DLG2: variants seen among roughly 807,000 people sequenced by gnomAD.
DLG2 encodes the protein discs large MAGUK scaffold protein 2.
Under a neutral mutation model 132.5 loss-of-function variants are expected in DLG2, and 45 were observed. The ratio of observed to expected loss-of-function variants is 0.34; its 90% confidence interval spans 0.27 to 0.44. The LOEUF (loss-of-function observed/expected upper bound fraction) is 0.44, where lower values mean the gene tolerates loss of function less well. Ranked by LOEUF, DLG2 falls within the 20% of genes least tolerant of loss-of-function variation. The pLI, the probability that DLG2 is intolerant of heterozygous loss-of-function variation, is 1.00. For synonymous variants in DLG2, 424 were observed against 419.6 expected (o/e 1.01, Z -0.13); for missense variants, 1,045 against 1,196.9 (o/e 0.87, Z 1.87).
intron 6 of DLG2, among the ~76,000 whole-genome samples, chr11:84,900,747 T>C (rs2090782774): frequency 6.6e-6 from 1 of 152,072 alleles, no homozygotes; most frequent in African/African-American, 2.4e-5. Context: ...AAAAATGATC[T>C]TCTGCAACAG....
At chr11:84,767,191 A>T (rs574714481) in intron 6 of DLG2, among the ~76,000 whole-genome samples, 51 of 152,214 alleles carry the variant, frequency 3.4e-4, no homozygotes, top group Admixed American at 9.2e-4. Flanking sequence ...GATGCTCATT[A>T]GATATTAATC....
intron 19 of DLG2, among the ~76,000 whole-genome samples, chr11:83,591,717 T>C (rs1481163255): frequency 3.3e-5 from 5 of 151,780 alleles, no homozygotes; most frequent in African/African-American, 9.7e-5. Flanking sequence ...TGTTTGCAGA[T>C]GACATGATTG....
chr11:84,693,703 G>C (rs1030477996), intron 6 of DLG2, among the ~76,000 whole-genome samples: 1 of 151,738 alleles, frequency 6.6e-6, no homozygotes, highest in East Asian at 1.9e-4. Flanking sequence ...CCACTTCTCT[G>C]TGTTCCTTTC....
intron 18 of DLG2, among the ~76,000 whole-genome samples, chr11:83,636,728 A>G (rs1025770075): frequency 2.6e-5 from 4 of 152,092 alleles, no homozygotes; most frequent in Admixed American, 2.6e-4. Context: ...AATAAATTAT[A>G]TTTGCCTTAC....
chr11:84,641,617 C>A (rs973119858), intron 6 of DLG2, among the ~76,000 whole-genome samples: 2 of 152,128 alleles, frequency 1.3e-5, no homozygotes, highest in African/African-American at 4.8e-5. Context: ...TGCTTCGCTT[C>A]AGTGAGGCAG....
At chr11:84,491,283 TA>T (rs2099164410) in intron 7 of DLG2, among the ~76,000 whole-genome samples, 1 of 151,956 alleles carries the variant, frequency 6.6e-6, no homozygotes, top group Non-Finnish European at 1.5e-5. Flanking sequence ...TGACAGTGAG[TA>T]AGTCTCATAA....
At chr11:84,585,056 G>A (rs1467825434) in intron 6 of DLG2, among the ~76,000 whole-genome samples, 3 of 151,888 alleles carry the variant, frequency 2.0e-5, no homozygotes, top group South Asian at 2.1e-4. Flanking sequence ...TTTAAGATAC[G>A]CTTCCTAATG....
chr11:84,806,796 C>T (rs1050114277), intron 6 of DLG2, among the ~76,000 whole-genome samples: 1 of 152,110 alleles, frequency 6.6e-6, no homozygotes, highest in South Asian at 2.1e-4. Context: ...AGTAGATTTT[C>T]CTTCTTCTCT....
At chr11:84,536,463 C>A (rs561552002) in intron 6 of DLG2, among the ~76,000 whole-genome samples, 1 of 152,168 alleles carries the variant, frequency 6.6e-6, no homozygotes, top group Admixed American at 6.5e-5. Context: ...TAGAACATTT[C>A]TGTGAACTGC....
intron 4 of DLG2, among the ~76,000 whole-genome samples, chr11:85,266,488 T>G (rs1243972911): frequency 2.0e-5 from 3 of 152,036 alleles, no homozygotes; most frequent in Non-Finnish European, 4.4e-5. Flanking sequence ...AGGGATAGCA[T>G]CAGGAGAAGT....
chr11:84,035,872 G>A lies in DLG2; in HGVS notation c.919+23443C>T, dbSNP rs190858323. ...ACTAACAGGATTTGCAAATGAACTG[G>A]ATGTGAGTGTGAGTCAGAAAGAGAA... On this transcript the variant is annotated intron_variant, in intron 11 of 27. Transcript: ENST00000376104. Among the ~76,000 whole-genome samples, 32 of 152,272 alleles carry A rather than the reference G, an allele frequency of 2.1e-4. No individual in the cohort carries two copies. The East Asian group carries it at 4.4e-3, about 21-fold the overall frequency.
chr11:84,571,187 CA>C (rs1366064208), intron 6 of DLG2, among the ~76,000 whole-genome samples: 2 of 152,032 alleles, frequency 1.3e-5, no homozygotes, highest in African/African-American at 2.4e-5. Context: ...TTATTTTGAA[CA>C]GTTGTTTTCT....
intron 6 of DLG2, among the ~76,000 whole-genome samples, chr11:84,735,050 T>C (rs187944725): frequency 2.2e-4 from 34 of 152,264 alleles, no homozygotes; most frequent in African/African-American, 7.7e-4. Context: ...CAGTATTTTA[T>C]TCAGGATTTT....
In DLG2 at chr11:85,204,623, G is replaced by A. The variant is rs373699769; in HGVS notation, c.187-49972C>T. On this transcript the variant is annotated intron_variant, in intron 4 of 27. Transcript: ENST00000376104. Reference sequence around the variant, plus strand: ...ATCCATACTCCCCAAAGCAATCTACGAATTCAATGCAATCCTTTTTAAAAC... The same window carrying A: ...ATCCATACTCCCCAAAGCAATCTACAAATTCAATGCAATCCTTTTTAAAAC... Among the ~76,000 whole-genome samples the A allele has an allele frequency of 1.3e-4, 19 of 151,762 alleles. No individual in the cohort carries two copies. The East Asian group carries it at 1.5e-3, about 12-fold the overall frequency.
At chr11:85,381,126 C>T (rs1480946455) in intron 3 of DLG2, among the ~76,000 whole-genome samples, 1 of 152,202 alleles carries the variant, frequency 6.6e-6, no homozygotes, top group African/African-American at 2.4e-5. Context: ...GTGCTAGCGA[C>T]TGTAGTCTAA....
intron 20 of DLG2, among the ~76,000 whole-genome samples, chr11:83,537,755 C>CAGTG (rs1486237423): frequency 8.0e-6 from 1 of 124,334 alleles, no homozygotes; most frequent in Non-Finnish European, 1.6e-5. Context: ...GTGGAGGTTG[C>CAGTG]AGTGAGTTGG....
intron 7 of DLG2, among the ~76,000 whole-genome samples, chr11:84,509,244 A>G (rs2154513636): frequency 6.6e-6 from 1 of 152,340 alleles, no homozygotes; most frequent in East Asian, 1.9e-4. Context: ...GATAAAGGGA[A>G]TTAGAAAACC....
At chr11:84,688,449 A>T (rs533300844) in intron 6 of DLG2, among the ~76,000 whole-genome samples, 1 of 152,326 alleles carries the variant, frequency 6.6e-6, no homozygotes, top group South Asian at 2.1e-4. Context: ...GTTATGAAAA[A>T]AATACACTTA....
intron 8 of DLG2, among the ~76,000 whole-genome samples, chr11:84,242,954 A>G (rs1434838471): frequency 6.6e-6 from 1 of 151,066 alleles, no homozygotes; most frequent in Admixed American, 6.6e-5. Context: ...TTAAACCAAC[A>G]CACAAAAATT....
Sources: allele counts gnomAD v4.1 joint callset (sites outside exome capture counted in the v4.1 genomes callset), GRCh38; gene constraint gnomAD v4.1.1; transcripts MANE v1.5; gene names NCBI Gene and HGNC (gene_info 2026-07-23, HGNC 2026-07-21).